MAX: variants seen among roughly 807,000 people sequenced by gnomAD.
The protein encoded by MAX is MYC associated transcriptional regulator X.
Under a neutral mutation model 22.3 loss-of-function variants are expected in MAX, and 3 were observed. The ratio of observed to expected loss-of-function variants is 0.13; its 90% CI spans 0.06 to 0.35. The LOEUF is 0.35. Among genes scored for constraint, MAX ranks in the 10% least tolerant of loss-of-function variants. The pLI is 1.00. For missense variants in MAX, 119 were observed against 209.4 expected, an observed-to-expected ratio of 0.57 and a Z score of 2.66; for synonymous variants, 72 against 77.7, an observed-to-expected ratio of 0.93 and a Z score of 0.39.
chr14:65,075,641 A>C lies in MAX; in HGVS notation c.*835T>G. 1 of 1,066,438 alleles carries C rather than the reference A, an allele frequency of 9.4e-7. No individual in the cohort carries two copies. The highest frequency in any genetic ancestry group is 1.1e-6 in the Non-Finnish European group (1 of 879,782). 66.1% of individuals were successfully genotyped at this position (1,066,438 alleles called of 1,614,324 possible). On this transcript the variant is annotated 3_prime_UTR_variant, in exon 5 of 5. Coordinates refer to ENST00000358664, the MANE Select transcript of MAX (RefSeq NM_002382.5). This position sits in a 1 kb window ranked among gnomAD's most constrained non-coding sequence, Gnocchi z 4.1. Reference sequence around the variant, plus strand: ...TCAGATTCAAATTTAAGTAGCAGGAAATAAATATCAAAACATCATCACTGG... The same window carrying C: ...TCAGATTCAAATTTAAGTAGCAGGACATAAATATCAAAACATCATCACTGG...
intron 3 of MAX, among the ~76,000 whole-genome samples, chr14:65,037,402 CCTTTTTTTTTTTTTTTTTTTTTTTT>C (rs1468305174): frequency 0.033 from 480 of 14,520 alleles, 44 homozygotes; most frequent in Middle Eastern, 0.25. Flanking sequence ...CACGCCGGGC[CCTTTTTTTTTTTTTTTTTTTTTTTT>C]TTTTTTTTTT....
Position 65,009,614 on chromosome 14 carries a change from C to T in MAX, c.172-3330G>A, listed in dbSNP as rs1330582356. On this transcript the variant is annotated intron_variant, in intron 3 of 3. Transcript: ENST00000341653. This position sits in a 1 kb window ranked among gnomAD's most constrained non-coding sequence, Gnocchi z 4.2. ...CTCCTACTATACCCTCATCCCAGCC[C>T]TCCTCCATCCTCTTTACAGACCTTC... Among the ~76,000 whole-genome samples the T allele has an allele frequency of 1.3e-5, 2 of 152,150 alleles. No homozygotes were observed. Among genetic ancestry groups the T allele is most frequent in the Non-Finnish European group, 2.9e-5 (2 of 68,034 alleles).
chr14:65,059,995 G>A (rs1158443149), intron 3 of MAX, among the ~76,000 whole-genome samples: 1 of 151,388 alleles, frequency 6.6e-6, no homozygotes, highest in Admixed American at 6.6e-5. Context: ...CATCATGCTC[G>A]GCTAATTTTT....
At chr14:65,101,903 G>T (rs1215917800) in intron 1 of MAX, among the ~76,000 whole-genome samples, 5 of 152,042 alleles carry the variant, frequency 3.3e-5, no homozygotes, top group African/African-American at 1.2e-4. Flanking sequence ...CAGGATCCGC[G>T]GGTCACGGGA....
intron 3 of MAX, among the ~76,000 whole-genome samples, chr14:65,080,699 T>C (rs751396729): frequency 3.3e-5 from 5 of 152,202 alleles, no homozygotes; most frequent in African/African-American, 4.8e-5. Flanking sequence ...CTATTTAAAT[T>C]TGCCTATGTA....
rs1270996928 is a variant in MAX at position 65,027,418 on chromosome 14, CT to C, written c.172-21135del. 3.1e-6 allele frequency: 5 copies of C among 1,611,360 alleles called. No individual in the cohort carries two copies. The African/African-American group carries it at 6.7e-5, about 22-fold the overall frequency. ...TTTGGTGTTTTGACATGAATGCTCTCTGACTTTGTTTTTGCCCTTTGGCTGT... is the reference window on the plus strand; with the variant it reads ...TTTGGTGTTTTGACATGAATGCTCTCGACTTTGTTTTTGCCCTTTGGCTGT... On this transcript the variant is annotated intron_variant, in intron 3 of 3. Transcript: ENST00000341653. The surrounding 1 kb of genome is among the most constrained non-coding windows in gnomAD (Gnocchi z 5.7).
intron 3 of MAX, chr14:65,061,450 C>G (rs2062864202): frequency 7.3e-7 from 1 of 1,367,976 alleles, no homozygotes. Flanking sequence ...ACTTTCTTGT[C>G]AAACAAAACC....
intron 3 of MAX, among the ~76,000 whole-genome samples, chr14:65,020,572 T>C (rs1490351800): frequency 6.6e-6 from 1 of 151,630 alleles, no homozygotes; most frequent in Non-Finnish European, 1.5e-5. Context: ...ACTACAGGCA[T>C]ACAGGCGGGA....
At position 65,030,889 on chromosome 14, in the gene MAX, CCT is replaced by C. The variant is rs2062067763; in HGVS notation, c.172-24607_172-24606del. On this transcript the variant is annotated intron_variant, in intron 3 of 3. Transcript: ENST00000341653. The surrounding 1 kb of genome is among the most constrained non-coding windows in gnomAD (Gnocchi z 4.5). ...GTGGTGGGATCTTGGCTCACTGCAA[CCT>C]CTGTCTCTGGGGTTCAAACGATTCT... is the stretch of plus-strand genomic sequence containing the variant. 6.6e-6 allele frequency among the ~76,000 whole-genome samples: 1 copy of C among 152,168 alleles called. No homozygotes were observed. The highest frequency in any genetic ancestry group is 6.5e-5 in the Admixed American group (1 of 15,274).
chr14:65,086,325 G>C (rs1283296689), intron 3 of MAX, among the ~76,000 whole-genome samples: 1 of 152,198 alleles, frequency 6.6e-6, no homozygotes, highest in Non-Finnish European at 1.5e-5. Context: ...AGCAACTTTG[G>C]AACTAGGTAA....
At chr14:65,094,493 C>T (rs931287385) in intron 2 of MAX, among the ~76,000 whole-genome samples, 4 of 152,254 alleles carry the variant, frequency 2.6e-5, no homozygotes, top group African/African-American at 9.6e-5. Context: ...GGCTTCCTTG[C>T]ACACAGGCAG....
At chr14:65,053,083 T>C (rs945931002) in intron 3 of MAX, 22 of 464,586 alleles carry the variant, frequency 4.7e-5, no homozygotes, top group Middle Eastern at 3.0e-4. Flanking sequence ...ATGCTGTGCG[T>C]AGGACATGGG....
Position 65,011,372 on chromosome 14 carries a change from T to C in MAX, c.172-5088A>G, listed in dbSNP as rs1306708403. Among the ~76,000 whole-genome samples the C allele has an allele frequency of 7.4e-6, 1 of 135,336 alleles. No individual in the cohort carries two copies. Among genetic ancestry groups the C allele is most frequent in the East Asian group, 2.2e-4 (1 of 4,530 alleles). 88.8% of individuals were successfully genotyped at this position (135,336 alleles called of 152,430 possible). On this transcript the variant is annotated intron_variant, in intron 3 of 3. Transcript: ENST00000341653. This position sits in a 1 kb window ranked among gnomAD's most constrained non-coding sequence, Gnocchi z 4.0. ...TGAACCCAAGAGGTGGAGGTTGCAG[T>C]AAGCTGAAATCACACCACTGCACTC...
At chr14:65,086,505 G>C (rs2139816653) in intron 3 of MAX, among the ~76,000 whole-genome samples, 1 of 152,306 alleles carries the variant, frequency 6.6e-6, no homozygotes, top group South Asian at 2.1e-4. Context: ...AACTTGTTGA[G>C]AACTAGAGCA....
intron 3 of MAX, chr14:65,015,713 C>G: frequency 2.5e-6 from 4 of 1,613,972 alleles, no homozygotes; most frequent in Non-Finnish European, 3.4e-6. Flanking sequence ...ATAGTGGCTA[C>G]AGAGTGAGTC....
intron 3 of MAX, among the ~76,000 whole-genome samples, chr14:65,034,401 A>G (rs1444406356): frequency 1.3e-5 from 2 of 152,216 alleles, no homozygotes; most frequent in African/African-American, 4.8e-5. Context: ...TACATTTTTA[A>G]TATCTTGCAT....
Position 65,014,299 on chromosome 14 carries a change from C to T in MAX, c.172-8015G>A, listed in dbSNP as rs1056418641. Among the ~76,000 whole-genome samples, 5 of 152,194 alleles carry T rather than the reference C, an allele frequency of 3.3e-5. No individual in the cohort carries two copies. Among genetic ancestry groups the T allele is most frequent in the African/African-American group, 1.2e-4 (5 of 41,444 alleles). ...TTATGGTTTAATTAGGATCAAGAGC[C>T]GTCTGCATTTTGCCTTTGGAAGCCT... is the stretch of plus-strand genomic sequence containing the variant. On this transcript the variant is annotated intron_variant, in intron 3 of 3. Coordinates refer to the MAX transcript ENST00000341653. This position sits in a 1 kb window ranked among gnomAD's most constrained non-coding sequence, Gnocchi z 5.1.
chr14:65,034,436 T>G (rs925595460), intron 3 of MAX, among the ~76,000 whole-genome samples: 2 of 152,246 alleles, frequency 1.3e-5, no homozygotes, highest in Non-Finnish European at 2.9e-5. Context: ...ATCTCACACT[T>G]AATTATTTGG....
chr14:65,092,595 C>A (rs1014871078), intron 3 of MAX, among the ~76,000 whole-genome samples: 1 of 152,134 alleles, frequency 6.6e-6, no homozygotes, highest in African/African-American at 2.4e-5. Context: ...GTAGGCTTAA[C>A]CCATGGCAAA....
Sources: allele counts gnomAD v4.1 joint callset (sites outside exome capture counted in the v4.1 genomes callset), GRCh38; gene constraint gnomAD v4.1.1; non-coding constraint Gnocchi (gnomAD v3.1); transcripts MANE v1.5; gene names NCBI Gene and HGNC (gene_info 2026-07-23, HGNC 2026-07-21).